NRG1: variants seen among roughly 807,000 people sequenced by gnomAD.
NRG1 encodes neuregulin 1, also known as pro-neuregulin-1, membrane-bound isoform.
Under a neutral mutation model 63.8 loss-of-function variants are expected in NRG1, and 18 were observed. That is an observed-to-expected ratio of 0.28 (90% CI 0.19 to 0.42). The LOEUF (loss-of-function observed/expected upper bound fraction) is 0.42, where lower values mean the gene tolerates loss of function less well. Ranked by LOEUF, NRG1 falls within the 10% of genes least tolerant of loss-of-function variation. The pLI is 1.00. For missense variants in NRG1, 762 were observed against 814.7 expected, an observed-to-expected ratio of 0.94 and a Z score of 0.79; for synonymous variants, 302 against 301.3, an observed-to-expected ratio of 1.00 and a Z score of -0.02.
In NRG1 at chr8:32,742,188, T is replaced by G; in HGVS notation, c.633-487T>G. The stretch of plus-strand genomic sequence containing the variant: ...TGATTCATTTTGTTCTAATTATGGC[T>G]TAACCTCTCAAGGCATAAACCCATT... On this transcript the variant is annotated intron_variant, in intron 6 of 11. Transcript: ENST00000356819. The surrounding 1 kb of genome is among the most constrained non-coding windows in gnomAD (Gnocchi z 4.2). 1 of 878,926 alleles carries G rather than the reference T, an allele frequency of 1.1e-6. No homozygotes were observed. The highest frequency in any genetic ancestry group is 1.8e-6 in the Non-Finnish European group (1 of 540,802). 54.4% of individuals were successfully genotyped at this position (878,926 alleles called of 1,614,324 possible). A position where few individuals can be genotyped will look rare whatever the true frequency, so the allele number is the denominator to read the frequency against.
At chr8:32,473,841 G>A (rs1824145646) in intron 1 of NRG1, among the ~76,000 whole-genome samples, 2 of 151,988 alleles carry the variant, frequency 1.3e-5, no homozygotes, top group South Asian at 4.1e-4. Flanking sequence ...GCACCATCAG[G>A]CCCAACTACA....
intron 1 of NRG1, among the ~76,000 whole-genome samples, chr8:32,575,396 A>C (rs537039965): frequency 6.6e-6 from 1 of 151,540 alleles, no homozygotes; most frequent in Non-Finnish European, 1.5e-5. Flanking sequence ...TTATTGCCTA[A>C]TACTATAAAA....
chr8:32,008,068 T>C (rs1814077954), intron 1 of NRG1, among the ~76,000 whole-genome samples: 1 of 152,068 alleles, frequency 6.6e-6, no homozygotes, highest in Admixed American at 6.6e-5. Flanking sequence ...TTTCTTTTGC[T>C]ATTTCATTAT....
chr8:32,012,878 G>GT (rs1317758428), intron 1 of NRG1, among the ~76,000 whole-genome samples: 27 of 151,788 alleles, frequency 1.8e-4, no homozygotes, highest in Admixed American at 1.3e-3. Context: ...AAAGATAACT[G>GT]TTTTTTTTAC....
At chr8:32,428,108 C>T (rs1817632882) in intron 1 of NRG1, among the ~76,000 whole-genome samples, 1 of 152,162 alleles carries the variant, frequency 6.6e-6, no homozygotes, top group Non-Finnish European at 1.5e-5. Context: ...TGATGTTCAC[C>T]ATGGCAAAGG....
chr8:31,892,901 A>G (rs1418407420), intron 1 of NRG1, among the ~76,000 whole-genome samples: 1 of 152,046 alleles, frequency 6.6e-6, no homozygotes, highest in Non-Finnish European at 1.5e-5. Flanking sequence ...TGAAAAATAT[A>G]TATAATTCAT....
intron 1 of NRG1, among the ~76,000 whole-genome samples, chr8:32,018,717 T>TA (rs1815965829): frequency 6.6e-6 from 1 of 152,220 alleles, no homozygotes; most frequent in Non-Finnish European, 1.5e-5. Flanking sequence ...CAAATAAAGT[T>TA]GATATAAGCA....
At position 31,825,357 on chromosome 8, in the gene NRG1, C is replaced by T. The variant is rs1480878294; in HGVS notation, c.37+185926C>T. Among the ~76,000 whole-genome samples, 3 of 151,278 alleles carry T rather than the reference C, an allele frequency of 2.0e-5. No individual in the cohort carries two copies. In the East Asian group the frequency reaches 5.8e-4, roughly 29 times the overall value. Reference sequence around the variant, plus strand: ...GAGCGGAGATCGCACCACTGCACTCCATCCTGGGTGACAGAGGGAGACTCC... The same window carrying T: ...GAGCGGAGATCGCACCACTGCACTCTATCCTGGGTGACAGAGGGAGACTCC... On this transcript the variant is annotated intron_variant, in intron 1 of 10. Transcript: ENST00000519301.
chr8:32,293,964 C>G (rs1485333871), intron 1 of NRG1, among the ~76,000 whole-genome samples: 1 of 152,078 alleles, frequency 6.6e-6, no homozygotes, highest in African/African-American at 2.4e-5. Context: ...GTTATCAGCC[C>G]ACCTGGGCCT....
chr8:31,763,949 T>C (rs2131533330), intron 1 of NRG1, among the ~76,000 whole-genome samples: 1 of 136,330 alleles, frequency 7.3e-6, no homozygotes, highest in Admixed American at 8.3e-5. Flanking sequence ...GAGCTTGCAG[T>C]GAGCCAAGAT....
At chr8:31,831,660 A>C (rs1038673069) in intron 1 of NRG1, among the ~76,000 whole-genome samples, 2 of 152,196 alleles carry the variant, frequency 1.3e-5, no homozygotes, top group Non-Finnish European at 2.9e-5. Flanking sequence ...GGAGAGGACT[A>C]GTTCTTCTGA....
chr8:32,462,020 G>A (rs1213507572), intron 1 of NRG1, among the ~76,000 whole-genome samples: 3 of 152,062 alleles, frequency 2.0e-5, no homozygotes, highest in Non-Finnish European at 2.9e-5. Flanking sequence ...CCTTGCCCTG[G>A]ACTTTTAGCA....
chr8:32,611,963 A>T (rs1846439878), intron 3 of NRG1, among the ~76,000 whole-genome samples: 4 of 152,114 alleles, frequency 2.6e-5, no homozygotes, highest in Admixed American at 2.6e-4. Context: ...GAGACCATGC[A>T]ACTTTTTCCT....
At chr8:32,666,885 CT>C (rs1485284952) in intron 5 of NRG1, among the ~76,000 whole-genome samples, 1 of 152,210 alleles carries the variant, frequency 6.6e-6, no homozygotes, top group Non-Finnish European at 1.5e-5. Context: ...ATGTGACTGG[CT>C]TATTTCACTT....
intron 1 of NRG1, among the ~76,000 whole-genome samples, chr8:31,837,607 C>T (rs968004178): frequency 6.6e-6 from 1 of 151,970 alleles, no homozygotes; most frequent in Non-Finnish European, 1.5e-5. Context: ...GTAACTATAT[C>T]TGCTGACCAA....
At chr8:32,190,125 C>T (rs193187094) in intron 1 of NRG1, among the ~76,000 whole-genome samples, 114 of 151,910 alleles carry the variant, frequency 7.5e-4, no homozygotes, top group Non-Finnish European at 7.4e-4. Flanking sequence ...CGTCATGTTC[C>T]TGCACTAAGA....
At position 31,920,860 on chromosome 8, in the gene NRG1, A is replaced by G. The variant is rs142691507; in HGVS notation, c.37+281429A>G. On this transcript the variant is annotated intron_variant, in intron 1 of 10. Transcript: ENST00000519301. ...AAATAAACTTTTTTAAGATGGATAG[A>G]TACATAGATAGATAGATAGATAGGT... Among the ~76,000 whole-genome samples the G allele has an allele frequency of 3.0e-4, 44 of 147,110 alleles. No individual in the cohort carries two copies. The East Asian group carries it at 8.8e-3, about 30-fold the overall frequency.
intron 1 of NRG1, among the ~76,000 whole-genome samples, chr8:32,144,593 G>A (rs1284759501): frequency 2.0e-5 from 3 of 152,166 alleles, no homozygotes; most frequent in African/African-American, 7.2e-5. Context: ...AGCTGCCATG[G>A]AGTGCATGCA....
chr8:31,972,421 C>T (rs1807448782), intron 1 of NRG1, among the ~76,000 whole-genome samples: 1 of 152,186 alleles, frequency 6.6e-6, no homozygotes, highest in African/African-American at 2.4e-5. Flanking sequence ...ACTTTCTTGG[C>T]ACTTGTTACT....
Sources: gnomAD v4.1 joint callset for allele counts (sites outside exome capture counted in the v4.1 genomes callset) on GRCh38, gnomAD v4.1.1 for gene constraint, Gnocchi (gnomAD v3.1) non-coding constraint, MANE v1.5 for transcripts, NCBI Gene and HGNC (gene_info 2026-07-23, HGNC 2026-07-21) for gene names.